MOB1B: variants seen among roughly 807,000 people sequenced by gnomAD.
MOB1B encodes the protein MOB1 Mps One Binder homolog B.
MOB1B carries 19 observed loss-of-function variants against 24.4 expected under a neutral mutation model. That is an observed-to-expected ratio of 0.78 (90% CI 0.54 to 1.14). The LOEUF is 1.14. MOB1B is among the 50% of genes most tolerant of loss of function. The pLI is 0.00. For missense variants in MOB1B, 243 were observed against 259.6 expected, an observed-to-expected ratio of 0.94 and a Z score of 0.44; for synonymous variants, 76 against 82.1, an observed-to-expected ratio of 0.93 and a Z score of 0.40.
intron 3 of MOB1B, among the ~76,000 whole-genome samples, chr4:70,974,505 T>G (rs528712130): frequency 6.6e-6 from 1 of 152,186 alleles, no homozygotes; most frequent in East Asian, 1.9e-4. Flanking sequence ...TTCATTTTAG[T>G]GTTTCTTGTT....
At chr4:70,976,920 C>G (rs1312100694) in intron 4 of MOB1B, among the ~76,000 whole-genome samples, 3 of 151,886 alleles carry the variant, frequency 2.0e-5, no homozygotes, top group Non-Finnish European at 4.4e-5. Context: ...TAAAAAGAAT[C>G]ATACAAACCC....
At chr4:70,975,948 G>A in intron 4 of MOB1B, 1 of 455,086 alleles carries the variant, frequency 2.2e-6, no homozygotes, top group Non-Finnish European at 2.9e-6. Context: ...TGCCCAGGCT[G>A]GAGTGCAGTG....
At chr4:70,933,577 A>T (rs1736967672) in intron 1 of MOB1B, among the ~76,000 whole-genome samples, 1 of 112,768 alleles carries the variant, frequency 8.9e-6, no homozygotes, top group Admixed American at 1.2e-4. Flanking sequence ...TTTGAGACAG[A>T]GTCTTGCTCT....
chr4:70,944,436 T>G (rs1737485938), intron 1 of MOB1B, among the ~76,000 whole-genome samples: 2 of 152,246 alleles, frequency 1.3e-5, no homozygotes, highest in Non-Finnish European at 2.9e-5. Context: ...GATCAAATTG[T>G]GTTTATTATT....
At chr4:70,950,591 A>T (rs927526856) in intron 1 of MOB1B, 8 of 491,610 alleles carry the variant, frequency 1.6e-5, no homozygotes, top group Non-Finnish European at 2.5e-5. Context: ...TAGCTTGTAT[A>T]TCAGAGTTAC....
intron 1 of MOB1B, among the ~76,000 whole-genome samples, chr4:70,939,329 C>A (rs571396162): frequency 6.6e-6 from 1 of 152,068 alleles, no homozygotes; most frequent in Non-Finnish European, 1.5e-5. Context: ...AAAGAGAAAA[C>A]AACTAAATTT....
intron 1 of MOB1B, among the ~76,000 whole-genome samples, chr4:70,929,340 G>A (rs1480960040): frequency 6.6e-6 from 1 of 151,558 alleles, no homozygotes; most frequent in African/African-American, 2.4e-5. Flanking sequence ...CACCACGCCC[G>A]GCTAATTTTT....
intron 1 of MOB1B, among the ~76,000 whole-genome samples, chr4:70,947,612 C>T (rs891209156): frequency 6.6e-6 from 1 of 152,008 alleles, no homozygotes; most frequent in Non-Finnish European, 1.5e-5. Context: ...CAGTGTCTTT[C>T]ATAGAGCAGA....
chr4:70,907,033 A>T (rs1467091842), intron 1 of MOB1B, among the ~76,000 whole-genome samples: 1 of 152,204 alleles, frequency 6.6e-6, no homozygotes, highest in Admixed American at 6.5e-5. Flanking sequence ...AGAGCTCTCT[A>T]AGAAGACAAG....
chr4:70,950,216 T>G (rs927590018), intron 1 of MOB1B, among the ~76,000 whole-genome samples: 1 of 151,718 alleles, frequency 6.6e-6, no homozygotes, highest in Non-Finnish European at 1.5e-5. Flanking sequence ...TGGGCAGATC[T>G]CCTGAGGTCA....
chr4:70,967,614 A>C (rs1464605709), intron 2 of MOB1B, among the ~76,000 whole-genome samples: 1 of 152,220 alleles, frequency 6.6e-6, no homozygotes, highest in African/African-American at 2.4e-5. Flanking sequence ...AATTATTATT[A>C]CTAATAGATG....
upstream of MOB1B, chr4:70,902,344 C>A: frequency 1.5e-6 from 1 of 677,328 alleles, no homozygotes; most frequent in South Asian, 1.6e-5. Flanking sequence ...ACGAGCGCTA[C>A]CCACTTCCGC....
At chr4:70,941,097 T>G (rs1292250574) in intron 1 of MOB1B, among the ~76,000 whole-genome samples, 1 of 152,170 alleles carries the variant, frequency 6.6e-6, no homozygotes, top group Non-Finnish European at 1.5e-5. Context: ...TTGCCACATG[T>G]ACATTGTCTG....
chr4:70,966,645 A>T (rs1738543270), intron 2 of MOB1B, among the ~76,000 whole-genome samples: 1 of 152,054 alleles, frequency 6.6e-6, no homozygotes, highest in Admixed American at 6.6e-5. Flanking sequence ...AAGTGCTGGG[A>T]TTACAGGCAT....
At position 70,925,507 on chromosome 4, in the gene MOB1B, C is replaced by G. The variant is rs1736612801; in HGVS notation, c.14+22957C>G. Among the ~76,000 whole-genome samples, 3 of 152,192 alleles carry G rather than the reference C, an allele frequency of 2.0e-5. No homozygotes were observed. In the South Asian group the frequency reaches 6.2e-4, roughly 31 times the overall value. On this transcript the variant is annotated intron_variant, in intron 1 of 5. Coordinates refer to ENST00000309395, the MANE Select transcript of MOB1B (RefSeq NM_173468.4). ...CAGAAGAAAAACTGCTCTTGGTCCT[C>G]TGGTGACAGAAAGTACTCTCAGGAT...
At chr4:70,936,343 T>C (rs1450993729) in intron 1 of MOB1B, among the ~76,000 whole-genome samples, 1 of 152,158 alleles carries the variant, frequency 6.6e-6, no homozygotes, top group South Asian at 2.1e-4. Flanking sequence ...GAACTGCATT[T>C]AAGTGTAATA....
intron 1 of MOB1B, among the ~76,000 whole-genome samples, chr4:70,944,086 T>C (rs1737472205): frequency 6.6e-6 from 1 of 152,106 alleles, no homozygotes; most frequent in Non-Finnish European, 1.5e-5. Context: ...TCTTGCTCTG[T>C]CACCTAGTTG....
chr4:70,940,197 T>C (rs1268271623), intron 1 of MOB1B, among the ~76,000 whole-genome samples: 2 of 152,106 alleles, frequency 1.3e-5, no homozygotes, highest in Admixed American at 1.3e-4. Flanking sequence ...GGGGCCATGG[T>C]GGGCCAGGGT....
intron 4 of MOB1B, among the ~76,000 whole-genome samples, chr4:70,978,513 T>C (rs1448714991): frequency 1.3e-5 from 2 of 152,214 alleles, no homozygotes; most frequent in Non-Finnish European, 2.9e-5. Context: ...CTGTTTTCCA[T>C]AGTGGCCATA....
Sources: gnomAD v4.1 joint callset for allele counts (sites outside exome capture counted in the v4.1 genomes callset) on GRCh38, gnomAD v4.1.1 for gene constraint, MANE v1.5 for transcripts, NCBI Gene and HGNC (gene_info 2026-07-23, HGNC 2026-07-21) for gene names.